SDR42E2: variants seen among roughly 807,000 people sequenced by gnomAD.
The protein encoded by SDR42E2 is short chain dehydrogenase/reductase family 42E, member 2, also known as putative short-chain dehydrogenase/reductase family 42E member 2.
Under a neutral mutation model 10.5 loss-of-function variants are expected in SDR42E2, and 20 were observed. The observed-to-expected ratio is 1.90, with a 90% CI of 1.34 to 2.77. The LOEUF (loss-of-function observed/expected upper bound fraction) is 2.77. Ranked by LOEUF, SDR42E2 falls within the 30% of genes most tolerant of loss-of-function variation. The pLI, the probability that SDR42E2 is intolerant of heterozygous loss-of-function variation, is 0.00. For missense variants in SDR42E2, 162 were observed against 104.2 expected (o/e 1.55, Z -2.42); for synonymous variants, 72 against 39.2 (o/e 1.84, Z -3.12).
chr16:22,189,135 A>G (rs1221655154), intron 12 of SDR42E2, among the ~76,000 whole-genome samples: 1 of 152,122 alleles, frequency 6.6e-6, no homozygotes, highest in Non-Finnish European at 1.5e-5. Context: ...CCCTGCACTT[A>G]CTGACTAGGA....
intron 6 of SDR42E2, 107 bp from the exon 7 acceptor site, chr16:22,172,149 A>G: frequency 1.5e-6 from 1 of 679,576 alleles, no homozygotes; most frequent in Non-Finnish European, 2.7e-6. Flanking sequence ...GCCTGGCCAT[A>G]TCCCAGTGGG....
Position 22,190,194 on chromosome 16 carries a change from T to C in SDR42E2, c.1070T>C (p.Leu357Pro), listed in dbSNP as rs2046762325. 2.5e-6 allele frequency: 1 copy of C among 401,006 alleles called. No homozygotes were observed. The highest frequency in any genetic ancestry group is 4.4e-5 in the Admixed American group (1 of 22,726). 24.8% of individuals were successfully genotyped at this position (401,006 alleles called of 1,614,324 possible). The change falls in exon 13 of 13, where the codon CTC becomes CCC. Residue 357 changes from leucine (L) to proline (P), a missense_variant. By Grantham distance (98) the Leu-to-Pro change is moderately conservative. Transcript: ENST00000602312. Reference protein sequence around the residue: ...TFQIAKARAQLGYAPDKFRFA... With the variant: ...TFQIAKARAQPGYAPDKFRFA... Reference sequence around the variant, plus strand: ...CAGATAGCCAAGGCCCGCGCCCAGCTCGGCTACGCGCCGGATAAGTTTAGG... The same window carrying C: ...CAGATAGCCAAGGCCCGCGCCCAGCCCGGCTACGCGCCGGATAAGTTTAGG...
chr16:22,176,667 C>G (rs560021879), intron 7 of SDR42E2, among the ~76,000 whole-genome samples: 4 of 152,224 alleles, frequency 2.6e-5, no homozygotes, highest in Admixed American at 6.5e-5. Context: ...AAGCAATCCT[C>G]CTGCCTTGGC....
chr16:22,169,646 C>A, intron 5 of SDR42E2, 144 bp downstream of exon 5: 1 of 665,134 alleles, frequency 1.5e-6, no homozygotes, highest in Non-Finnish European at 2.7e-6. Context: ...CTCCCCAGGG[C>A]CCTGCATGGG....
chr16:22,166,065 T>TGTACCTGGGCCAGGAGCTGGATCG (rs2046535014), intron 2 of SDR42E2, among the ~76,000 whole-genome samples, 185 bp from the exon 3 acceptor site: 2 of 147,714 alleles, frequency 1.4e-5, no homozygotes, highest in African/African-American at 5.2e-5. Context: ...GAGCTGGGTC[T>TGTACCTGGGCCAGGAGCTGGATCG]GTACCTGGGC....
Position 22,177,641 on chromosome 16 carries a change from TAAAG to T in SDR42E2, c.590-481_590-478del, listed in dbSNP as rs932643141. 3.1e-4 allele frequency among the ~76,000 whole-genome samples: 45 copies of T among 145,308 alleles called. 1 individual carries two copies. Among genetic ancestry groups the T allele is most frequent in the South Asian group, 8.9e-4 (4 of 4,512 alleles). On this transcript the variant is annotated intron_variant, in intron 7 of 12. Transcript: ENST00000602312. ...AGATTCCATCTCAAAAAAAAAGAAA[TAAAG>T]AAAGAAAAAGAAAAAGGAAAAGGAA... is the stretch of plus-strand genomic sequence containing the variant.
rs2046739689 is a variant in SDR42E2 at position 22,186,810 on chromosome 16, T to C, written c.1014+16T>C. The C allele has an allele frequency of 2.8e-6, 1 of 353,664 alleles. No homozygotes were observed. The highest frequency in any genetic ancestry group is 2.7e-5 in the African/African-American group (1 of 36,508). The allele number at this position is 353,664 out of a possible 1,614,324, so 21.9% of individuals were successfully genotyped here. A position where few individuals can be genotyped will look rare whatever the true frequency, so the allele number is the denominator to read the frequency against. On this transcript the variant is annotated intron_variant, in intron 12 of 12. Coordinates refer to ENST00000602312, the MANE Select transcript of SDR42E2 (RefSeq NM_001394319.2). ...TCGTAGTGAGGTAAGTGGGCTGCTG[T>C]TATGGGACCTAGGCCCTGCTCCCCA...
chr16:22,172,786 T>G lies in SDR42E2; in HGVS notation c.589+455T>G. Among the ~76,000 whole-genome samples, 2 of 152,158 alleles carry G rather than the reference T, an allele frequency of 1.3e-5. 1 individual carries two copies. Among genetic ancestry groups the G allele is most frequent in the Non-Finnish European group, 2.9e-5 (2 of 68,038 alleles). On this transcript the variant is annotated intron_variant, in intron 7 of 12. Transcript: ENST00000602312. ...GAGTCTACCTTGGCTGTCTTAGTTA[T>G]TTATTTGTTTTAGAGATAGGGTCTT... is the stretch of plus-strand genomic sequence containing the variant.
At position 22,182,223 on chromosome 16, in the gene SDR42E2, G is replaced by A. The variant is rs1034209922; in HGVS notation, c.822G>A (p.Ala274=). 5.2e-5 allele frequency: 21 copies of A among 402,966 alleles called. No homozygotes were observed. Among genetic ancestry groups the A allele is most frequent in the Admixed American group, 1.7e-4 (4 of 22,870 alleles). The allele number at this position is 402,966 out of a possible 1,614,324, so 25.0% of individuals were successfully genotyped here. ...TAKGYVASGQ[A]YYINDGESVN... is the part of the protein sequence containing the mutation. ...CATGTCCCCTTCAGAGTGGGCAGGC[G>A]TACTACATCAACGATGGGGAGAGCG... is the stretch of plus-strand genomic sequence containing the variant. The change falls in exon 10 of 13, where the codon GCG becomes GCA. Residue 274 remains alanine (A), a synonymous_variant. Transcript: ENST00000602312.
Position 22,166,725 on chromosome 16 carries a change from C to T in SDR42E2, c.241-179C>T, listed in dbSNP as rs970657391. On this transcript the variant is annotated intron_variant, in intron 3 of 12. Transcript: ENST00000602312. ...CGTGATGAATGAGCACGGGATGTTG[C>T]TCACGGTGCCCTGTAGAATCATTTA... Among the ~76,000 whole-genome samples, 3 of 152,112 alleles carry T rather than the reference C, an allele frequency of 2.0e-5. 1 individual carries two copies. Among genetic ancestry groups the T allele is most frequent in the Non-Finnish European group, 4.4e-5 (3 of 68,012 alleles).
At chr16:22,185,618 T>A (rs1235804446) in intron 11 of SDR42E2, among the ~76,000 whole-genome samples, 2 of 152,072 alleles carry the variant, frequency 1.3e-5, no homozygotes, top group African/African-American at 4.8e-5. Flanking sequence ...GTATTTTTTA[T>A]TTTTTTAGAG....
chr16:22,185,840 G>A lies in SDR42E2; in HGVS notation c.941-881G>A, dbSNP rs1304217956. Among the ~76,000 whole-genome samples, 3 of 152,098 alleles carry A rather than the reference G, an allele frequency of 2.0e-5. No homozygotes were observed. In the East Asian group the frequency reaches 5.8e-4, roughly 29 times the overall value. ...CCAGCTGGTATCGAACTCCTGGCCT[G>A]AAGCGATCCTCCCACTTCAGCCTCC... is the stretch of plus-strand genomic sequence containing the variant. On this transcript the variant is annotated intron_variant, in intron 11 of 12. Transcript: ENST00000602312.
chr16:22,170,651 C>A (rs2142063976), intron 5 of SDR42E2, among the ~76,000 whole-genome samples, 182 bp from the exon 6 acceptor site: 1 of 152,222 alleles, frequency 6.6e-6, no homozygotes, highest in Non-Finnish European at 1.5e-5. Context: ...GGAGACTCTT[C>A]CCTCCTGAAC....
At chr16:22,188,234 G>C (rs534952699) in intron 12 of SDR42E2, among the ~76,000 whole-genome samples, 6 of 151,260 alleles carry the variant, frequency 4.0e-5, no homozygotes, top group Admixed American at 2.6e-4. Context: ...TTTGTCCAAG[G>C]CCACACCATA....
At chr16:22,188,363 G>C (rs1160349555) in intron 12 of SDR42E2, among the ~76,000 whole-genome samples, 1 of 152,162 alleles carries the variant, frequency 6.6e-6, no homozygotes, top group African/African-American at 2.4e-5. Flanking sequence ...TGAGCCATCC[G>C]GATCAGTGGA....
At chr16:22,163,936 G>A (rs890240771) in intron 1 of SDR42E2, among the ~76,000 whole-genome samples, 1 of 152,130 alleles carries the variant, frequency 6.6e-6, no homozygotes, top group Non-Finnish European at 1.5e-5. Context: ...GCCATGCAGG[G>A]CAGAGATGCA....
In SDR42E2 at chr16:22,190,621, T is replaced by A. The variant is rs1174477095; in HGVS notation, c.*228T>A. On this transcript the variant is annotated 3_prime_UTR_variant, in exon 13 of 13. Transcript: ENST00000602312. ...CAGACCTTGCCTTGCGCCCTTCCTG[T>A]GTTTTGGCCCCGCCCCTGTCCTGTC... 1.0e-5 allele frequency: 4 copies of A among 388,184 alleles called. No homozygotes were observed. Among genetic ancestry groups the A allele is most frequent in the Non-Finnish European group, 1.8e-5 (4 of 219,642 alleles). 24.0% of individuals were successfully genotyped at this position (388,184 alleles called of 1,614,324 possible). A position where few individuals can be genotyped will look rare whatever the true frequency, so the allele number is the denominator to read the frequency against.
At position 22,181,544 on chromosome 16, in the gene SDR42E2, T is replaced by C. The variant is rs1267896907; in HGVS notation, c.698T>C (p.Met233Thr). 1.4e-6 allele frequency: 1 copy of C among 702,934 alleles called. No homozygotes were observed. The highest frequency in any genetic ancestry group is 2.6e-6 in the Non-Finnish European group (1 of 385,022). 43.5% of individuals were successfully genotyped at this position (702,934 alleles called of 1,614,324 possible). A position where few individuals can be genotyped will look rare whatever the true frequency, so the allele number is the denominator to read the frequency against. The change falls in exon 9 of 13, where the codon ATG becomes ACG. Residue 233 changes from methionine to threonine, a missense_variant. Physicochemically the swap from Met to Thr is moderately conservative, Grantham distance 81. Coordinates refer to ENST00000602312, the MANE Select transcript of SDR42E2 (RefSeq NM_001394319.2). The stretch of plus-strand genomic sequence containing the variant: ...GGCCACATCAAGAAGAGGCTGTTCA[T>C]GTTCCGATTTGGGGACCACAAGGCA... ...VAGHIKKRLF[M>T]FRFGDHKARM...
At chr16:22,184,372 C>T in intron 11 of SDR42E2, 128 bp downstream of exon 11, 1 of 377,040 alleles carries the variant, frequency 2.7e-6, no homozygotes, top group Non-Finnish European at 4.7e-6. Context: ...GAGGCTGAGG[C>T]AGGCAGATCA....
Sources: gnomAD v4.1 joint callset for allele counts (sites outside exome capture counted in the v4.1 genomes callset) on GRCh38, gnomAD v4.1.1 for gene constraint, MANE v1.5 for transcripts, NCBI Gene and HGNC (gene_info 2026-07-23, HGNC 2026-07-21) for gene names.